Variants in CCDC85A observed in about 807,000 individuals in gnomAD.
CCDC85A encodes coiled-coil domain-containing protein 85A.
A neutral mutation model predicts 50.2 loss-of-function variants in CCDC85A; 38 were observed. The observed-to-expected ratio is 0.76, with a 90% CI of 0.58 to 0.99. CCDC85A has a LOEUF of 0.99. CCDC85A is among the 50% of genes least tolerant of loss of function. The pLI, the probability that CCDC85A is intolerant of heterozygous loss-of-function variation, is 0.00. For synonymous variants in CCDC85A, 366 were observed against 301.4 expected (o/e 1.21, Z -2.22); for missense variants, 820 against 742.0 (o/e 1.11, Z -1.22).
intron 2 of CCDC85A, among the ~76,000 whole-genome samples, chr2:56,215,709 A>G (rs185821760): frequency 1.3e-5 from 2 of 151,716 alleles, no homozygotes; most frequent in African/African-American, 4.8e-5. Context: ...AAATAACCCA[A>G]TCTTGTGTTT....
intron 2 of CCDC85A, among the ~76,000 whole-genome samples, chr2:56,238,956 A>G (rs1184376220): frequency 2.0e-5 from 3 of 152,184 alleles, no homozygotes; most frequent in Non-Finnish European, 4.4e-5. Flanking sequence ...TCCTTATGAG[A>G]TGGAGCATCA....
chr2:56,215,276 G>A (rs1677343591), intron 2 of CCDC85A, among the ~76,000 whole-genome samples: 1 of 151,826 alleles, frequency 6.6e-6, no homozygotes, highest in Admixed American at 6.6e-5. Flanking sequence ...TCTTGTTGTT[G>A]GCGGCTTGTT....
chr2:56,271,305 C>A (rs556623396), intron 2 of CCDC85A, among the ~76,000 whole-genome samples: 2 of 152,106 alleles, frequency 1.3e-5, no homozygotes, highest in Non-Finnish European at 2.9e-5. Context: ...ATATAGCATG[C>A]GTGTTTAGGT....
At chr2:56,297,098 C>T (rs1159446985) in intron 2 of CCDC85A, among the ~76,000 whole-genome samples, 2 of 152,114 alleles carry the variant, frequency 1.3e-5, no homozygotes, top group East Asian at 1.9e-4. Flanking sequence ...CTGGAGTGTG[C>T]TCTCAGTGGG....
At chr2:56,243,080 G>A (rs190359742) in intron 2 of CCDC85A, among the ~76,000 whole-genome samples, 2 of 151,094 alleles carry the variant, frequency 1.3e-5, no homozygotes, top group East Asian at 3.9e-4. Context: ...TGTGATCTTT[G>A]GGTATTTAGT....
chr2:56,273,349 G>A (rs1048838445), intron 2 of CCDC85A, among the ~76,000 whole-genome samples: 1 of 152,048 alleles, frequency 6.6e-6, no homozygotes, highest in Non-Finnish European at 1.5e-5. Context: ...CTCAGTATAT[G>A]GGAGGGGAAA....
Position 56,291,108 on chromosome 2 carries a change from G to A in CCDC85A, c.1241-51771G>A, listed in dbSNP as rs76393043. ...GATGAATTGTGAAACTTCGGTTTTT[G>A]TAAAATGTAAATGTATTCCTTTCTC... is the stretch of plus-strand genomic sequence containing the variant. On this transcript the variant is annotated intron_variant, in intron 2 of 5. Transcript: ENST00000407595. 8.6e-3 allele frequency among the ~76,000 whole-genome samples: 1,310 copies of A among 152,316 alleles called. 28 individuals are homozygous for A. The highest frequency in any genetic ancestry group is 0.03 in the African/African-American group (1,231 of 41,572).
chr2:56,201,111 C>T (rs1220216340), intron 2 of CCDC85A, among the ~76,000 whole-genome samples: 1 of 151,288 alleles, frequency 6.6e-6, no homozygotes, highest in Non-Finnish European at 1.5e-5. Flanking sequence ...CACACACACA[C>T]ACACACACAC....
At chr2:56,310,463 C>CT (rs1672638995) in intron 2 of CCDC85A, among the ~76,000 whole-genome samples, 1 of 152,076 alleles carries the variant, frequency 6.6e-6, no homozygotes, top group Admixed American at 6.6e-5. Context: ...CAAAATAATT[C>CT]TTTTTAGACA....
At chr2:56,275,741 T>G (rs1670904440) in intron 2 of CCDC85A, among the ~76,000 whole-genome samples, 1 of 152,214 alleles carries the variant, frequency 6.6e-6, no homozygotes, top group Non-Finnish European at 1.5e-5. Flanking sequence ...ACTCTTGGTA[T>G]TATTTATCTT....
intron 2 of CCDC85A, among the ~76,000 whole-genome samples, chr2:56,266,578 G>GCT (rs1670452469): frequency 1.7e-5 from 1 of 60,304 alleles, no homozygotes; most frequent in Non-Finnish European, 3.2e-5. Context: ...ACAATAACGC[G>GCT]CCCCCCCCCC....
intron 2 of CCDC85A, among the ~76,000 whole-genome samples, chr2:56,244,715 C>T (rs1050489416): frequency 6.6e-6 from 1 of 151,768 alleles, no homozygotes; most frequent in African/African-American, 2.4e-5. Context: ...ACCCAAGGCC[C>T]ACAGTGTGTA....
chr2:56,307,403 C>T (rs1371329710), intron 2 of CCDC85A, among the ~76,000 whole-genome samples: 1 of 152,008 alleles, frequency 6.6e-6, no homozygotes, highest in Non-Finnish European at 1.5e-5. Context: ...TGCAGTCTCC[C>T]TACATTGGCA....
chr2:56,319,489 C>T (rs1184783124), intron 2 of CCDC85A, among the ~76,000 whole-genome samples: 2 of 152,052 alleles, frequency 1.3e-5, no homozygotes, highest in African/African-American at 2.4e-5. Flanking sequence ...CTCACTAACT[C>T]CTGGTAAATG....
intron 2 of CCDC85A, among the ~76,000 whole-genome samples, chr2:56,277,667 A>G (rs1208402027): frequency 6.6e-6 from 1 of 152,158 alleles, no homozygotes; most frequent in Non-Finnish European, 1.5e-5. Context: ...TTCCTCTAAC[A>G]TTTCCTAAGC....
At chr2:56,332,555 C>G (rs2104296427) in intron 2 of CCDC85A, among the ~76,000 whole-genome samples, 1 of 152,204 alleles carries the variant, frequency 6.6e-6, no homozygotes, top group Non-Finnish European at 1.5e-5. Flanking sequence ...TTTCAACATA[C>G]TTATTTTGGA....
At chr2:56,227,278 C>A (rs1219142568) in intron 2 of CCDC85A, among the ~76,000 whole-genome samples, 1 of 152,156 alleles carries the variant, frequency 6.6e-6, no homozygotes, top group Non-Finnish European at 1.5e-5. Context: ...CCTTTCTATA[C>A]AACTGAGAAT....
chr2:56,203,283 TC>T (rs968393290), intron 2 of CCDC85A, among the ~76,000 whole-genome samples: 5 of 152,042 alleles, frequency 3.3e-5, no homozygotes, highest in African/African-American at 1.2e-4. Flanking sequence ...CATGAATAGC[TC>T]CCCCAGTATA....
intron 2 of CCDC85A, among the ~76,000 whole-genome samples, chr2:56,314,563 G>A (rs559128238): frequency 3.0e-4 from 46 of 152,168 alleles, no homozygotes; most frequent in Admixed American, 7.2e-4. Context: ...TCTTAAAATA[G>A]CCAGTGATGC....
Sources: gnomAD v4.1 joint callset for allele counts (sites outside exome capture counted in the v4.1 genomes callset) on GRCh38, gnomAD v4.1.1 for gene constraint, MANE v1.5 for transcripts, NCBI Gene and HGNC (gene_info 2026-07-23, HGNC 2026-07-21) for gene names.